The following ME2 variants were observed in gnomAD, a reference collection of about 807,000 sequenced individuals.
The protein encoded by ME2 is NAD-dependent malic enzyme, mitochondrial.
In ME2, 60 loss-of-function variants were observed where a neutral mutation model predicts 73.7. The ratio of observed to expected loss-of-function variants is 0.81; its 90% CI spans 0.66 to 1.01. ME2 has a LOEUF of 1.01. ME2 is among the 50% of genes least tolerant of loss of function. The probability of loss-of-function intolerance (pLI) is 0.00; values close to 1 mark genes in which losing one functional copy is unlikely to be tolerated. For missense variants in ME2, 594 were observed against 705.5 expected, an observed-to-expected ratio of 0.84 and a Z score of 1.79; for synonymous variants, 199 against 236.9, an observed-to-expected ratio of 0.84 and a Z score of 1.47.
chr18:50,937,738 G>A (rs1917850402), intron 13 of ME2, among the ~76,000 whole-genome samples: 1 of 151,976 alleles, frequency 6.6e-6, no homozygotes, highest in Admixed American at 6.6e-5. Context: ...TTTGATAGCA[G>A]AAAGAAGAAA....
chr18:50,881,433 G>T (rs1916322842), intron 1 of ME2, among the ~76,000 whole-genome samples: 1 of 152,108 alleles, frequency 6.6e-6, no homozygotes, highest in Admixed American at 6.5e-5. Flanking sequence ...AAATTACATT[G>T]ACTTTATAAA....
At chr18:50,885,463 A>G (rs1438077568) in intron 1 of ME2, among the ~76,000 whole-genome samples, 1 of 152,136 alleles carries the variant, frequency 6.6e-6, no homozygotes, top group South Asian at 2.1e-4. Flanking sequence ...GACTGCAGTT[A>G]GCTGTGATTA....
chr18:50,943,946 T>G (rs1238263879), intron 15 of ME2, among the ~76,000 whole-genome samples: 2 of 151,962 alleles, frequency 1.3e-5, no homozygotes, highest in Non-Finnish European at 2.9e-5. Flanking sequence ...CCAGGCAGAG[T>G]GGCTCACTCC....
At chr18:50,929,506 C>CA (rs952051918) in intron 12 of ME2, among the ~76,000 whole-genome samples, 4 of 144,586 alleles carry the variant, frequency 2.8e-5, no homozygotes, top group Non-Finnish European at 6.1e-5. Context: ...AAAAAACCAA[C>CA]AAAAAAACAA....
At chr18:50,912,326 A>G (rs1917175945) in intron 3 of ME2, among the ~76,000 whole-genome samples, 1 of 152,160 alleles carries the variant, frequency 6.6e-6, no homozygotes, top group African/African-American at 2.4e-5. Context: ...TAATACTTCT[A>G]ACGCTCCTGG....
intron 15 of ME2, among the ~76,000 whole-genome samples, chr18:50,941,515 A>G (rs549738858): frequency 6.6e-6 from 1 of 150,788 alleles, no homozygotes; most frequent in East Asian, 2.0e-4. Context: ...CTGGGATTAC[A>G]GATGCCCACC....
chr18:50,940,093 G>A, intron 14 of ME2, 195 bp from the exon 15 acceptor site: 1 of 550,610 alleles, frequency 1.8e-6, no homozygotes, highest in Non-Finnish European at 3.2e-6. Flanking sequence ...TAATCAATAA[G>A]TCTTTAAATC....
chr18:50,888,048 A>G (rs1916517046), intron 1 of ME2, among the ~76,000 whole-genome samples: 1 of 152,210 alleles, frequency 6.6e-6, no homozygotes, highest in African/African-American at 2.4e-5. Flanking sequence ...AAATTGCTTA[A>G]TTAAGAAATG....
At chr18:50,939,678 A>C in intron 14 of ME2, 38 bp downstream of exon 14, 3 of 1,363,244 alleles carry the variant, frequency 2.2e-6, no homozygotes, top group Non-Finnish European at 3.1e-6. Flanking sequence ...ATAAAGGATG[A>C]ATTATAAAGA....
At chr18:50,918,054 T>C in intron 6 of ME2, 56 bp from the exon 7 acceptor site, 1 of 1,080,020 alleles carries the variant, frequency 9.3e-7, no homozygotes, top group Non-Finnish European at 1.3e-6. Context: ...TTTTATTGTA[T>C]GTGTTTAAAC....
chr18:50,923,948 A>C, intron 10 of ME2, 150 bp from the exon 11 acceptor site: 1 of 542,914 alleles, frequency 1.8e-6, no homozygotes. Context: ...ATGAAGATAG[A>C]GTTGGAAGGT....
At chr18:50,906,449 A>G (rs1042023556) in intron 2 of ME2, among the ~76,000 whole-genome samples, 2 of 152,098 alleles carry the variant, frequency 1.3e-5, no homozygotes, top group Admixed American at 6.5e-5. Context: ...AGTAGCTGGG[A>G]CCACAGGCAC....
At chr18:50,895,969 A>G in intron 2 of ME2, 41 bp downstream of exon 2, 2 of 1,370,816 alleles carry the variant, frequency 1.5e-6, no homozygotes, top group Non-Finnish European at 2.1e-6. Flanking sequence ...CTCTCTTCTT[A>G]TTAAAGTTTG....
At chr18:50,920,789 C>G (rs1300407115) in intron 9 of ME2, 31 bp downstream of exon 9, 1 of 1,472,224 alleles carries the variant, frequency 6.8e-7, no homozygotes, top group Non-Finnish European at 9.4e-7. Flanking sequence ...GAAACTTAAG[C>G]CTATCCTCTC....
chr18:50,906,524 G>A (rs1440920490), intron 2 of ME2, among the ~76,000 whole-genome samples: 3 of 152,098 alleles, frequency 2.0e-5, no homozygotes, highest in African/African-American at 7.2e-5. Context: ...TGTTGGCCAA[G>A]CTGGTCTCGA....
intron 7 of ME2, among the ~76,000 whole-genome samples, chr18:50,919,127 C>T (rs1020161142): frequency 2.6e-5 from 4 of 152,140 alleles, no homozygotes; most frequent in Non-Finnish European, 4.4e-5. Flanking sequence ...TTTCCATTGC[C>T]GCAATCTTGC....
rs1277844923 is a variant in ME2 at position 50,879,133 on chromosome 18, C to CGGGCCGCCTCTGCGTGTG, written c.-179_-162dup. 2 of 152,270 alleles carry CGGGCCGCCTCTGCGTGTG rather than the reference C, an allele frequency of 1.3e-5. No individual in the cohort carries two copies. Among genetic ancestry groups the CGGGCCGCCTCTGCGTGTG allele is most frequent in the Admixed American group, 6.5e-5 (1 of 15,292 alleles). 9.4% of individuals were successfully genotyped at this position (152,270 alleles called of 1,614,324 possible). ...GCCCTCCCCTCTCTCGGCCGCTCTT[C>CGGGCCGCCTCTGCGTGTG]GGGCCGCCTCTGCGTGTGGGGCCGC... On this transcript the variant is annotated 5_prime_UTR_variant, in exon 1 of 16. Transcript: ENST00000321341.
rs1229057072 is a variant in ME2 at position 50,951,497 on chromosome 18, CAG to C, written c.*4316_*4317del. ...TTGTTTGTTTCTGCTAGCTTTATGA[CAG>C]AGGTTATAATATTCTTTTCTCCTCT... On this transcript the variant is annotated 3_prime_UTR_variant, in exon 16 of 16. Coordinates refer to ENST00000321341, the MANE Select transcript of ME2 (RefSeq NM_002396.5). 1 of 150,198 alleles carries C rather than the reference CAG, an allele frequency of 6.7e-6. No homozygotes were observed. The highest frequency in any genetic ancestry group is 1.5e-5 in the Non-Finnish European group (1 of 67,694). 9.3% of individuals were successfully genotyped at this position (150,198 alleles called of 1,614,324 possible). A position where few individuals can be genotyped will look rare whatever the true frequency, so the allele number is the denominator to read the frequency against.
intron 1 of ME2, among the ~76,000 whole-genome samples, chr18:50,882,818 A>G (rs1916355817): frequency 6.6e-6 from 1 of 152,124 alleles, no homozygotes; most frequent in Non-Finnish European, 1.5e-5. Flanking sequence ...GCATGGTAGC[A>G]CACACCTATA....
Sources: allele counts gnomAD v4.1 joint callset (sites outside exome capture counted in the v4.1 genomes callset), GRCh38; gene constraint gnomAD v4.1.1; transcripts MANE v1.5; gene names NCBI Gene and HGNC (gene_info 2026-07-23, HGNC 2026-07-21).